PTPRS: variants seen among roughly 807,000 people sequenced by gnomAD.
PTPRS encodes the protein receptor-type tyrosine-protein phosphatase S.
A neutral mutation model predicts 215.3 loss-of-function variants in PTPRS; 63 were observed. The observed-to-expected ratio is 0.29, with a 90% CI of 0.24 to 0.36. PTPRS has a LOEUF of 0.36. PTPRS is among the 10% of genes least tolerant of loss of function. The pLI is 1.00. For missense variants in PTPRS, 2,258 were observed against 2,825.8 expected (o/e 0.80, Z 4.56); for synonymous variants, 1,404 against 1,191.4 (o/e 1.18, Z -3.68).
intron 5 of PTPRS, among the ~76,000 whole-genome samples, chr19:5,263,902 C>T (rs987389563): frequency 5.1e-4 from 78 of 152,192 alleles, no homozygotes; most frequent in Non-Finnish European, 2.8e-4. Context: ...TGCCCACAGG[C>T]GGGAGGCAGG....
intron 1 of PTPRS, among the ~76,000 whole-genome samples, chr19:5,326,052 G>GA (rs1366832841): frequency 6.6e-6 from 1 of 152,178 alleles, no homozygotes; most frequent in Non-Finnish European, 1.5e-5. Flanking sequence ...CCAACATGGT[G>GA]AAACGCTGTC....
At position 5,287,964 on chromosome 19, in the gene PTPRS, GCACACACACACACACACACACACACA is replaced by G. The variant is rs3042434; in HGVS notation, c.-94-1756_-94-1731del. 7.5e-6 allele frequency among the ~76,000 whole-genome samples: 1 copy of G among 133,264 alleles called. No homozygotes were observed. Among genetic ancestry groups the G allele is most frequent in the South Asian group, 2.8e-4 (1 of 3,564 alleles). 87.4% of individuals were successfully genotyped at this position (133,264 alleles called of 152,430 possible). On this transcript the variant is annotated intron_variant, in intron 1 of 37. Coordinates refer to ENST00000262963, the MANE Select transcript of PTPRS (RefSeq NM_002850.4). This position sits in a 1 kb window ranked among gnomAD's most constrained non-coding sequence, Gnocchi z 4.8. ...TCACACAGTCAGGCAGCAGAGACGG[GCACACACACACACACACACACACACA>G]CACACACACACACACACACAATCAG...
At chr19:5,280,302 G>C (rs11672439) in intron 2 of PTPRS, among the ~76,000 whole-genome samples, 1 of 152,252 alleles carries the variant, frequency 6.6e-6, no homozygotes, top group African/African-American at 2.4e-5. Context: ...CCATGGCTCA[G>C]GCTGGGCTTT....
rs1354192946 is a variant in PTPRS at position 5,214,569 on chromosome 19, TCTC to T, written c.4483_4485del (p.Glu1495del). ...TGGGGTCCAAGGCTCACCCGTGACT[TCTC>T]CTCCAGCCGCGTCATCATGACGATG... On this transcript the variant is annotated inframe_deletion, in exon 29 of 38. Coordinates refer to ENST00000262963, the MANE Select transcript of PTPRS (RefSeq NM_002850.4). The T allele has an allele frequency of 6.8e-6, 11 of 1,611,118 alleles. No individual in the cohort carries two copies. The highest frequency in any genetic ancestry group is 7.6e-6 in the Non-Finnish European group (9 of 1,178,304).
chr19:5,239,219 A>G (rs887793852), intron 12 of PTPRS, among the ~76,000 whole-genome samples, 156 bp from the exon 13 acceptor site: 1 of 150,934 alleles, frequency 6.6e-6, no homozygotes, highest in Admixed American at 6.6e-5. Flanking sequence ...TGCGGCAGAG[A>G]GGGACAGAGA....
At chr19:5,326,723 A>G (rs1244991152) in intron 1 of PTPRS, among the ~76,000 whole-genome samples, 1 of 151,546 alleles carries the variant, frequency 6.6e-6, no homozygotes, top group African/African-American at 2.4e-5. Flanking sequence ...CGAAGAAAAG[A>G]AAGGAAGAGA....
chr19:5,264,167 C>CTGTCTTTGTCCCATGATGT (rs72425181), intron 5 of PTPRS, among the ~76,000 whole-genome samples: 1 of 151,862 alleles, frequency 6.6e-6, no homozygotes, highest in Non-Finnish European at 1.5e-5. Flanking sequence ...CCGCCATCAC[C>CTGTCTTTGTCCCATGATGT]TCTTACTGCT....
intron 6 of PTPRS, among the ~76,000 whole-genome samples, chr19:5,261,675 C>T (rs1001053212): frequency 1.3e-5 from 2 of 152,300 alleles, no homozygotes; most frequent in Admixed American, 1.3e-4. Flanking sequence ...TGGCCCAAAC[C>T]CATTTTGCAG....
intron 1 of PTPRS, chr19:5,292,882 G>A (rs1300098910): frequency 1.3e-5 from 2 of 152,156 alleles, no homozygotes; most frequent in African/African-American, 4.8e-5. Context: ...TCGGGCTGGG[G>A]GCCAGGCGGG....
rs1185562448 is a variant in PTPRS, at chr19:5,262,945, G to A, written c.577+19C>T. 6.3e-7 allele frequency: 1 copy of A among 1,581,880 alleles called. No homozygotes were observed. Among genetic ancestry groups the A allele is most frequent in the Non-Finnish European group, 8.6e-7 (1 of 1,159,732 alleles). ...GGATGGGGCGTTAGTTGTTGACGTGGTGATGAAATCAGACTTACCAAAGGT... is the reference window on the plus strand; with the variant it reads ...GGATGGGGCGTTAGTTGTTGACGTGATGATGAAATCAGACTTACCAAAGGT... On this transcript the variant is annotated intron_variant, in intron 6 of 37. Coordinates refer to ENST00000262963, the MANE Select transcript of PTPRS (RefSeq NM_002850.4).
intron 1 of PTPRS, among the ~76,000 whole-genome samples, chr19:5,290,318 G>A (rs190529865): frequency 3.9e-5 from 6 of 152,354 alleles, no homozygotes; most frequent in Non-Finnish European, 7.4e-5. Context: ...TAGAGCCCAC[G>A]TTTAATCTTG....
Position 5,211,649 on chromosome 19 carries a change from T to C in PTPRS, c.5175A>G (p.Gln1725=). 1.9e-6 allele frequency: 3 copies of C among 1,613,944 alleles called. No homozygotes were observed. ...MPYESTRVCL[Q]PIRGVEGSDY... ...CAGAGCCCTCCACACCCCGGATGGG[T>C]TGCAGACAGACCCGTGTGCTCTCAT... The change falls in exon 33 of 38, where the codon CAA becomes CAG. Residue 1725 remains glutamine, a synonymous_variant. Transcript: ENST00000262963.
rs200994281 is a variant in PTPRS at position 5,274,385 on chromosome 19, C to T, written c.92-41G>A. 13 of 1,585,274 alleles carry T rather than the reference C, an allele frequency of 8.2e-6. No individual in the cohort carries two copies. In the East Asian group the frequency reaches 2.7e-4, roughly 33 times the overall value. On this transcript the variant is annotated intron_variant, in intron 2 of 37. Coordinates refer to ENST00000262963, the MANE Select transcript of PTPRS (RefSeq NM_002850.4). ...AAAGAAGGGGGGGCGCTGATGGGTC[C>T]AGGCATCTGGCTAGGATACCAAGGA... is the stretch of plus-strand genomic sequence containing the variant.
At position 5,215,717 on chromosome 19, in the gene PTPRS, C is replaced by T. The variant is rs904284103; in HGVS notation, c.4097-122G>A. On this transcript the variant is annotated intron_variant, in intron 26 of 37. Coordinates refer to ENST00000262963, the MANE Select transcript of PTPRS (RefSeq NM_002850.4). ...TGAGCTGTGGTTAGAAGGGCATGGC[C>T]GGGGTGGGGCTTGGCAGGAGGGGAA... is the stretch of plus-strand genomic sequence containing the variant. 3.5e-5 allele frequency: 24 copies of T among 691,900 alleles called. No individual in the cohort carries two copies. In the East Asian group the frequency reaches 5.0e-4, roughly 14 times the overall value. 42.9% of individuals were successfully genotyped at this position (691,900 alleles called of 1,614,324 possible).
At chr19:5,226,070 C>A (rs1045880326) in intron 16 of PTPRS, among the ~76,000 whole-genome samples, 2 of 152,164 alleles carry the variant, frequency 1.3e-5, no homozygotes, top group Non-Finnish European at 2.9e-5. Context: ...AGGACCAACT[C>A]GGTCCTCTCT....
chr19:5,227,968 G>T (rs2042653424), intron 16 of PTPRS, among the ~76,000 whole-genome samples: 1 of 152,036 alleles, frequency 6.6e-6, no homozygotes, highest in South Asian at 2.1e-4. Context: ...GCATGCCTGG[G>T]AACTGTGGGG....
At chr19:5,212,673 G>A (rs1267296565) in intron 30 of PTPRS, among the ~76,000 whole-genome samples, 182 bp from the exon 31 acceptor site, 1 of 152,120 alleles carries the variant, frequency 6.6e-6, no homozygotes, top group African/African-American at 2.4e-5. Context: ...GAGAAACCTC[G>A]TCTCAACTAA....
rs146012732 is a variant in PTPRS, at chr19:5,219,404, C to A, written c.3829G>T (p.Val1277Leu). The A allele has an allele frequency of 1.1e-5, 17 of 1,613,290 alleles. No homozygotes were observed. The highest frequency in any genetic ancestry group is 1.4e-5 in the Non-Finnish European group (16 of 1,179,722). Residue 1277 changes from valine to leucine, a missense_variant, in exon 23 of 38, where the codon GTG becomes TTG. Physicochemically the swap from Val to Leu is conservative, Grantham distance 32. Transcript: ENST00000262963. ...QLDNPDPQPI[V>L]DGEEGLIWVI... Reference sequence around the variant, plus strand: ...CAGATAAGCCCCTCCTCGCCATCCACGATGGGCTGGGGGTCCGGGTTATCC... The same window carrying A: ...CAGATAAGCCCCTCCTCGCCATCCAAGATGGGCTGGGGGTCCGGGTTATCC...
chr19:5,227,302 C>G (rs113725305), intron 16 of PTPRS, among the ~76,000 whole-genome samples: 3 of 152,154 alleles, frequency 2.0e-5, no homozygotes, highest in African/African-American at 7.2e-5. Context: ...CCGCCTGCCT[C>G]TGCCTCCCAA....
Sources: gnomAD v4.1 joint callset for allele counts (sites outside exome capture counted in the v4.1 genomes callset) on GRCh38, gnomAD v4.1.1 for gene constraint, Gnocchi (gnomAD v3.1) non-coding constraint, MANE v1.5 for transcripts, NCBI Gene and HGNC (gene_info 2026-07-23, HGNC 2026-07-21) for gene names.